PREB: variants seen among roughly 807,000 people sequenced by gnomAD.
The protein encoded by PREB is prolactin regulatory element binding.
A neutral mutation model predicts 46.7 loss-of-function variants in PREB; 29 were observed. The ratio of observed to expected loss-of-function variants is 0.62; its 90% CI spans 0.46 to 0.85. The LOEUF is 0.85. PREB is among the 40% of genes least tolerant of loss of function. The pLI is 0.00. For synonymous variants in PREB, 224 were observed against 220.1 expected (o/e 1.02, Z -0.16); for missense variants, 494 against 528.4 (o/e 0.93, Z 0.64).
chr2:27,133,756 G>A (rs769015845), intron 1 of PREB, 35 bp from the exon 2 acceptor site: 9 of 1,602,794 alleles, frequency 5.6e-6, no homozygotes, highest in Non-Finnish European at 7.7e-6. Flanking sequence ...GCAAGTTCAG[G>A]GGTGCCCAGA....
rs1672262897 is a variant in PREB, at chr2:27,131,487, A to G, written c.1181T>C (p.Leu394Pro). ...PSRRSVPVWL[L>P]LLLCVGLIIV... ...AATAAGCCCGACACACAGCAGGAGC[A>G]GGAGCCACACAGGAACACTCCCTGC... Residue 394 changes from leucine to proline, a missense_variant, in exon 9 of 9, where the codon CTG becomes CCG. Coordinates refer to ENST00000260643, the MANE Select transcript of PREB (RefSeq NM_013388.6). 4 of 1,585,324 alleles carry G rather than the reference A, an allele frequency of 2.5e-6. No individual in the cohort carries two copies. In the African/African-American group the frequency reaches 4.1e-5, roughly 16 times the overall value.
Position 27,130,788 on chromosome 2 carries a change from T to C in PREB, c.*626A>G. The C allele has an allele frequency of 6.3e-7, 1 of 1,591,134 alleles. No individual in the cohort carries two copies. Among genetic ancestry groups the C allele is most frequent in the Non-Finnish European group, 8.6e-7 (1 of 1,160,552 alleles). On this transcript the variant is annotated 3_prime_UTR_variant, in exon 9 of 9. Transcript: ENST00000260643. Reference sequence around the variant, plus strand: ...TCTCAGTTCACTCTTTCCTTGTTTATTAAATATCAACTTTTCCTGCCTAAT... The same window carrying C: ...TCTCAGTTCACTCTTTCCTTGTTTACTAAATATCAACTTTTCCTGCCTAAT...
At position 27,133,345 on chromosome 2, in the gene PREB, A is replaced by C. The variant is rs1207855952; in HGVS notation, c.326-8T>G. 1 of 1,613,888 alleles carries C rather than the reference A, an allele frequency of 6.2e-7. No individual in the cohort carries two copies. The highest frequency in any genetic ancestry group is 1.1e-5 in the South Asian group (1 of 91,074). ...GCCCCTGCTCCTTGGAACCTGTAAC[A>C]CAAACACTTGGCCAGGTTCCAGGCT... On this transcript the variant is annotated splice_polypyrimidine_tract_variant and splice_region_variant and intron_variant, in intron 2 of 8. Transcript: ENST00000260643.
At chr2:27,133,892 G>T in intron 1 of PREB, 171 bp from the exon 2 acceptor site, 1 of 669,278 alleles carries the variant, frequency 1.5e-6, no homozygotes, top group Non-Finnish European at 2.5e-6. Context: ...AGCAGGACTG[G>T]GATTATTACC....
At chr2:27,131,919 C>G (rs969851023) in intron 7 of PREB, 88 bp from the exon 8 acceptor site, 3 of 1,592,964 alleles carry the variant, frequency 1.9e-6, no homozygotes, top group Non-Finnish European at 2.6e-6. Context: ...GGATTTCCCT[C>G]GATAGGATGG....
Position 27,133,552 on chromosome 2 carries a change from C to T in PREB, c.305G>A (p.Gly102Asp). 1 of 1,613,844 alleles carries T rather than the reference C, an allele frequency of 6.2e-7. No individual in the cohort carries two copies. The stretch of plus-strand genomic sequence containing the variant: ...CTCACCGGCCTTCTCTGCCTTGTTG[C>T]CCTGCTGTTGATGTGCCTGGAAGCG... Reference protein sequence around the residue: ...LLRFQAHQQQGNKAEKAGSKE... With the variant: ...LLRFQAHQQQDNKAEKAGSKE... The change falls in exon 2 of 9, where the codon GGC becomes GAC. Residue 102 changes from glycine to aspartate, a missense_variant. Transcript: ENST00000260643.
Position 27,132,118 on chromosome 2 carries a change from G to A in PREB, c.927-36C>T. The A allele has an allele frequency of 1.2e-6, 2 of 1,611,454 alleles. No individual in the cohort carries two copies. The highest frequency in any genetic ancestry group is 1.1e-5 in the South Asian group (1 of 91,020). On this transcript the variant is annotated intron_variant, in intron 6 of 8. Transcript: ENST00000260643. The surrounding 1 kb of genome is among the most constrained non-coding windows in gnomAD (Gnocchi z 4.0). ...CAATAAAGAGCTCATTGTCCTGGAG[G>A]CTTGTGCAGCAACCCTCATACCCCA...
At position 27,132,625 on chromosome 2, in the gene PREB, G is replaced by T; in HGVS notation, c.730C>A (p.Pro244Thr). The T allele has an allele frequency of 6.2e-7, 1 of 1,614,140 alleles. No homozygotes were observed. The highest frequency in any genetic ancestry group is 8.5e-7 in the Non-Finnish European group (1 of 1,180,032). ...CACCTGCAGGCCTGGTAGCGGTAAG[G>T]TGTGCTGGAAAAGGTGGGTCCATTT... ...QENGPTFSST[P>T]YRYQACRFGQ... Residue 244 changes from proline to threonine, a missense_variant, in exon 5 of 9, where the codon CCT becomes ACT. By Grantham distance (38) the Pro-to-Thr change is conservative (BLOSUM62 -1). Transcript: ENST00000260643. This position sits in a 1 kb window ranked among gnomAD's most constrained non-coding sequence, Gnocchi z 4.0.
In PREB at chr2:27,130,800, T is replaced by G; in HGVS notation, c.*614A>C. ...CTTTCCTTGTTTATTAAATATCAAC[T>G]TTTCCTGCCTAATGGGCTGAGGTTC... On this transcript the variant is annotated 3_prime_UTR_variant, in exon 9 of 9. Transcript: ENST00000260643. The G allele has an allele frequency of 1.3e-6, 2 of 1,568,732 alleles. No homozygotes were observed. The highest frequency in any genetic ancestry group is 1.8e-6 in the Non-Finnish European group (2 of 1,142,202).
intron 1 of PREB, 90 bp downstream of exon 1, chr2:27,134,197 G>C: frequency 7.1e-7 from 1 of 1,408,332 alleles, no homozygotes. Flanking sequence ...GCCCGAAGCT[G>C]GAGTGTGGCC....
Position 27,131,331 on chromosome 2 carries a change from G to A in PREB, c.*83C>T, listed in dbSNP as rs73921457. 614 of 1,273,212 alleles carry A rather than the reference G, an allele frequency of 4.8e-4. 5 individuals carry two copies. The African/African-American group carries it at 8.0e-3, about 17-fold the overall frequency. 78.9% of individuals were successfully genotyped at this position (1,273,212 alleles called of 1,614,324 possible). A position where few individuals can be genotyped will look rare whatever the true frequency, so the allele number is the denominator to read the frequency against. On this transcript the variant is annotated 3_prime_UTR_variant, in exon 9 of 9. Coordinates refer to ENST00000260643, the MANE Select transcript of PREB (RefSeq NM_013388.6). ...GGCAACCTCAGCTGTGGACCCGAAT[G>A]GAGTGAGCAAAGGGAGTCCAGGCCT...
chr2:27,133,977 G>C, intron 1 of PREB: 1 of 601,818 alleles, frequency 1.7e-6, no homozygotes, highest in Admixed American at 3.2e-5. Flanking sequence ...CACTCTCGCC[G>C]CTGCTAGAGG....
intron 7 of PREB, 56 bp downstream of exon 7, chr2:27,131,954 G>A: frequency 6.3e-7 from 1 of 1,596,656 alleles, no homozygotes; most frequent in Non-Finnish European, 8.6e-7. Flanking sequence ...TGCAAACTCA[G>A]GGTAGAGACA....
chr2:27,132,700 C>A lies in PREB; in HGVS notation c.655G>T (p.Ala219Ser), dbSNP rs778537201. The change falls in exon 5 of 9, where the codon GCC (alanine) becomes TCC (serine). Residue 219 changes from alanine to serine, a missense_variant. Physicochemically the swap from Ala to Ser is moderately conservative, Grantham distance 99. Transcript: ENST00000260643. The surrounding 1 kb of genome is among the most constrained non-coding windows in gnomAD (Gnocchi z 4.0). ...KLVTVGRDLK[A>S]SVWQKDQLVT... is the part of the protein sequence containing the mutation. ...AGCTGATCCTTCTGCCACACAGAGG[C>A]CTTAAGGTCCCGGCCCACGGTTACC... 1.2e-6 allele frequency: 2 copies of A among 1,614,130 alleles called. No homozygotes were observed. The highest frequency in any genetic ancestry group is 1.1e-5 in the South Asian group (1 of 91,086).
Position 27,131,476 on chromosome 2 carries a change from AC to A in PREB, c.1191del (p.Cys398ValfsTer7). 6.3e-7 allele frequency: 1 copy of A among 1,581,218 alleles called. No homozygotes were observed. The highest frequency in any genetic ancestry group is 8.6e-7 in the Non-Finnish European group (1 of 1,163,072). On this transcript the variant is annotated frameshift_variant, in exon 9 of 9. Transcript: ENST00000260643. LOFTEE classifies it high-confidence loss of function. Reference protein sequence around the residue: ...RSVPVWLLLLLCVGLIIVTIL... With the variant: ...RSVPVWLLLLXCVGLIIVTIL... ...ATGGTCACAATAATAAGCCCGACAC[AC>A]AGCAGGAGCAGGAGCCACACAGGAA...
At chr2:27,133,037 C>T in intron 3 of PREB, 80 bp downstream of exon 3, 1 of 1,585,284 alleles carries the variant, frequency 6.3e-7, no homozygotes, top group South Asian at 1.1e-5. Flanking sequence ...CACAAGTTTC[C>T]CAGATGCCAC....
chr2:27,131,742 C>A lies in PREB; in HGVS notation c.1089G>T (p.Gly363=). The change falls in exon 8 of 9, where the codon GGG becomes GGT. Residue 363 remains glycine (G), a synonymous_variant. Transcript: ENST00000260643. The part of the protein sequence containing the change: ...PEKGRGPELL[G]SHETALFSVA... ...CAGAGAACAGGGCAGTTTCATGGGACCCAAGGAGCTCTGGACCACGACCCT... is the reference window on the plus strand; with the variant it reads ...CAGAGAACAGGGCAGTTTCATGGGAACCAAGGAGCTCTGGACCACGACCCT... 6.2e-7 allele frequency: 1 copy of A among 1,614,108 alleles called. No individual in the cohort carries two copies. The highest frequency in any genetic ancestry group is 1.1e-5 in the South Asian group (1 of 91,078).
Position 27,131,442 on chromosome 2 carries a change from A to G in PREB, c.1226T>C (p.Leu409Pro). ...AAGGAAACCTGGAAAGGCACTCTGGAGCAGCAGGATGGTCACAATAATAAG... is the reference window on the plus strand; with the variant it reads ...AAGGAAACCTGGAAAGGCACTCTGGGGCAGCAGGATGGTCACAATAATAAG... Reference protein sequence around the residue: ...VGLIIVTILLLQSAFPGFL With the variant: ...VGLIIVTILLPQSAFPGFL Residue 409 changes from leucine (L) to proline (P), a missense_variant, in exon 9 of 9, where the codon CTC becomes CCC. Transcript: ENST00000260643. 1 of 1,564,144 alleles carries G rather than the reference A, an allele frequency of 6.4e-7. No individual in the cohort carries two copies. Among genetic ancestry groups the G allele is most frequent in the Non-Finnish European group, 8.7e-7 (1 of 1,153,846 alleles).
Position 27,132,315 on chromosome 2 carries a change from A to T in PREB, c.841T>A (p.Tyr281Asn). 6.2e-7 allele frequency: 1 copy of T among 1,614,150 alleles called. No individual in the cohort carries two copies. The highest frequency in any genetic ancestry group is 8.5e-7 in the Non-Finnish European group (1 of 1,179,982). The change falls in exon 6 of 9, where the codon TAC becomes AAC. Residue 281 changes from tyrosine to asparagine, a missense_variant. Tyr to Asn is a moderately radical substitution (Grantham distance 143). Coordinates refer to ENST00000260643, the MANE Select transcript of PREB (RefSeq NM_013388.6). This position sits in a 1 kb window ranked among gnomAD's most constrained non-coding sequence, Gnocchi z 4.0. ...HKRLRQPPPC[Y>N]LTAWDGSNFL... ...TTGGAGCCATCCCAGGCTGTGAGGT[A>T]GCAGGGAGGGGGCTGGCGCAGGCGC...
Sources: allele counts gnomAD v4.1 joint callset, GRCh38; gene constraint gnomAD v4.1.1; non-coding constraint Gnocchi (gnomAD v3.1); transcripts MANE v1.5; gene names NCBI Gene and HGNC (gene_info 2026-07-23, HGNC 2026-07-21).